Variants in NTM observed in about 807,000 individuals in gnomAD.
NTM encodes the protein neurotrimin, also known as IgLON family member 2.
In NTM, 13 loss-of-function variants were observed where a neutral mutation model predicts 42.1. That is an observed-to-expected ratio of 0.31 (90% CI 0.20 to 0.49). The LOEUF is 0.49. Among genes scored for constraint, NTM ranks in the 20% least tolerant of loss-of-function variants. The pLI, the probability that NTM is intolerant of heterozygous loss-of-function variation, is 0.99. For missense variants in NTM, 373 were observed against 452.8 expected (o/e 0.82, Z 1.60); for synonymous variants, 187 against 179.2 (o/e 1.04, Z -0.35).
intron 1 of NTM, among the ~76,000 whole-genome samples, chr11:131,794,192 G>A (rs1591902308): frequency 6.6e-6 from 1 of 152,120 alleles, no homozygotes; most frequent in South Asian, 2.1e-4. Flanking sequence ...TCTGTGTGCA[G>A]GGCCTGTCTC....
intron 1 of NTM, among the ~76,000 whole-genome samples, chr11:131,710,477 T>A (rs1046694226): frequency 6.6e-6 from 1 of 152,078 alleles, no homozygotes; most frequent in African/African-American, 2.4e-5. Context: ...CTGGCTCTAG[T>A]GTTTCTCCAG....
chr11:132,168,762 T>G (rs1448568677), intron 3 of NTM, among the ~76,000 whole-genome samples: 1 of 152,188 alleles, frequency 6.6e-6, no homozygotes, highest in Non-Finnish European at 1.5e-5. Flanking sequence ...TGGGGAATCT[T>G]TAAGTCAACT....
chr11:131,678,324 G>C (rs1329197014), intron 1 of NTM, among the ~76,000 whole-genome samples: 4 of 152,254 alleles, frequency 2.6e-5, no homozygotes, highest in African/African-American at 9.6e-5. Flanking sequence ...ACAGGGGTAG[G>C]TGGCTCAGCC....
At chr11:132,041,658 G>A (rs981416373) in intron 2 of NTM, among the ~76,000 whole-genome samples, 6 of 152,172 alleles carry the variant, frequency 3.9e-5, no homozygotes, top group Admixed American at 1.3e-4. Context: ...GTAAATGGGA[G>A]CAGAGGAAGG....
intron 1 of NTM, among the ~76,000 whole-genome samples, chr11:131,817,117 A>G (rs1785597496): frequency 6.6e-6 from 1 of 152,116 alleles, no homozygotes. Flanking sequence ...GGCTGGGTCT[A>G]TTATTTTAGG....
intron 2 of NTM, among the ~76,000 whole-genome samples, chr11:131,946,124 A>G (rs1371052078): frequency 1.3e-5 from 2 of 152,184 alleles, no homozygotes; most frequent in African/African-American, 2.4e-5. Context: ...GGGGGAGATA[A>G]ATCAGGTGGG....
intron 1 of NTM, among the ~76,000 whole-genome samples, chr11:131,507,894 T>C (rs1286867387): frequency 1.3e-5 from 2 of 152,142 alleles, no homozygotes; most frequent in East Asian, 3.9e-4. Context: ...TTGTGATTTT[T>C]GTACATTGAT....
At chr11:131,446,568 G>A (rs79820839) in intron 1 of NTM, among the ~76,000 whole-genome samples, 4,326 of 152,156 alleles carry the variant, frequency 0.028, 198 homozygotes, top group African/African-American at 0.097. Context: ...CCACCTAGGC[G>A]CACATTCGCC....
chr11:132,183,136 C>A (rs1488794820), intron 3 of NTM, among the ~76,000 whole-genome samples: 5 of 152,166 alleles, frequency 3.3e-5, no homozygotes, highest in Admixed American at 1.3e-4. Context: ...TCCTATCTTA[C>A]CCACTCCCAT....
chr11:132,275,083 T>G (rs2093653689), intron 4 of NTM, among the ~76,000 whole-genome samples: 1 of 152,258 alleles, frequency 6.6e-6, no homozygotes, highest in Middle Eastern at 3.4e-3. Context: ...AACTTATATA[T>G]AGTTTTATGG....
At chr11:132,320,981 A>AAAACT (rs2095554165) in intron 7 of NTM, among the ~76,000 whole-genome samples, 1 of 150,630 alleles carries the variant, frequency 6.6e-6, no homozygotes, top group African/African-American at 2.5e-5. Flanking sequence ...TGTTAGAAGG[A>AAAACT]AAACTAACAA....
intron 2 of NTM, among the ~76,000 whole-genome samples, chr11:131,932,888 CA>C (rs2058786143): frequency 6.6e-6 from 1 of 152,148 alleles, no homozygotes; most frequent in Admixed American, 6.5e-5. Flanking sequence ...CCGGGACACA[CA>C]AAGCCTCTTA....
intron 1 of NTM, chr11:131,537,644 C>G (rs2052489123): frequency 6.6e-6 from 1 of 152,256 alleles, no homozygotes; most frequent in South Asian, 2.1e-4. Flanking sequence ...TATGTCTGCA[C>G]AATTTTGAAA....
intron 1 of NTM, among the ~76,000 whole-genome samples, chr11:131,462,963 A>G (rs1951545205): frequency 7.6e-6 from 1 of 131,718 alleles, no homozygotes; most frequent in Admixed American, 7.3e-5. Context: ...AAAAAAAAAA[A>G]AGAAGATATA....
At chr11:132,174,025 C>G (rs770572236) in intron 3 of NTM, among the ~76,000 whole-genome samples, 9 of 152,170 alleles carry the variant, frequency 5.9e-5, no homozygotes, top group Non-Finnish European at 1.0e-4. Context: ...GTCTTATACA[C>G]CTGTTTGGTC....
intron 2 of NTM, among the ~76,000 whole-genome samples, chr11:131,974,637 C>T (rs1176005437): frequency 1.3e-5 from 2 of 152,234 alleles, no homozygotes; most frequent in African/African-American, 4.8e-5. Flanking sequence ...TGCCTGGGTT[C>T]AAATTTTGAC....
intron 2 of NTM, among the ~76,000 whole-genome samples, chr11:132,112,381 G>T (rs1244530956): frequency 6.6e-6 from 1 of 151,976 alleles, no homozygotes; most frequent in Non-Finnish European, 1.5e-5. Flanking sequence ...AAGGAAGAAA[G>T]AAAAAAATGA....
chr11:131,425,922 C>T lies in NTM; in HGVS notation c.82+55034C>T, dbSNP rs180925809. On this transcript the variant is annotated intron_variant, in intron 1 of 8. Coordinates refer to ENST00000683400, the MANE Select transcript of NTM (RefSeq NM_001352005.2). The stretch of plus-strand genomic sequence containing the variant: ...AGTAGTAGAGTTGTGTTGAGGAAGA[C>T]AGTAAAATAGTCAAGACTTGTTAAT... Among the ~76,000 whole-genome samples, 159 of 152,080 alleles carry T rather than the reference C, an allele frequency of 1.0e-3. 1 individual carries two copies. Among genetic ancestry groups the T allele is most frequent in the African/African-American group, 3.6e-3 (148 of 41,464 alleles).
intron 1 of NTM, among the ~76,000 whole-genome samples, chr11:131,867,638 G>A (rs1025194364): frequency 2.0e-5 from 3 of 152,000 alleles, no homozygotes; most frequent in African/African-American, 2.4e-5. Context: ...CTGTGTTTAT[G>A]TCTGTGTATC....
Sources: gnomAD v4.1 joint callset for allele counts (sites outside exome capture counted in the v4.1 genomes callset) on GRCh38, gnomAD v4.1.1 for gene constraint, MANE v1.5 for transcripts, NCBI Gene and HGNC (gene_info 2026-07-23, HGNC 2026-07-21) for gene names.